Variants in NKAIN3 observed in about 807,000 individuals in gnomAD.
NKAIN3 encodes sodium/potassium transporting ATPase interacting 3.
In NKAIN3, 25 loss-of-function variants were observed where a neutral mutation model predicts 30.2. That is an observed-to-expected ratio of 0.83 (90% CI 0.60 to 1.16). NKAIN3 has a LOEUF of 1.16. Ranked by LOEUF, NKAIN3 falls within the 50% of genes most tolerant of loss-of-function variation. NKAIN3 has a pLI of 0.00. For synonymous variants in NKAIN3, 91 were observed against 89.6 expected (o/e 1.02, Z -0.09); for missense variants, 225 against 254.1 (o/e 0.89, Z 0.78).
At chr8:62,359,698 C>G (rs1275785026) in intron 1 of NKAIN3, among the ~76,000 whole-genome samples, 1 of 152,204 alleles carries the variant, frequency 6.6e-6, no homozygotes, top group African/African-American at 2.4e-5. Context: ...GTAATAGCAG[C>G]AAGCACCTTT....
At chr8:62,802,522 T>A (rs1221014699) in intron 4 of NKAIN3, among the ~76,000 whole-genome samples, 1 of 152,074 alleles carries the variant, frequency 6.6e-6, no homozygotes, top group African/African-American at 2.4e-5. Context: ...CTAAGCTTCA[T>A]AAGTGAAGGA....
intron 1 of NKAIN3, among the ~76,000 whole-genome samples, chr8:62,312,913 A>G (rs1011821715): frequency 6.6e-6 from 1 of 152,110 alleles, no homozygotes; most frequent in Non-Finnish European, 1.5e-5. Flanking sequence ...CCCTAGAAGA[A>G]AACAGAGAGC....
rs1426898165 is a variant in NKAIN3, at chr8:62,947,516, T to A, written c.533-6386T>A. On this transcript the variant is annotated intron_variant, in intron 5 of 6. Transcript: ENST00000623646. ...AGAAGAATTTAATTTCTAATAATGGTCACAACAGTATTTCCTGTCTAACTT... is the reference window on the plus strand; with the variant it reads ...AGAAGAATTTAATTTCTAATAATGGACACAACAGTATTTCCTGTCTAACTT... Among the ~76,000 whole-genome samples the A allele has an allele frequency of 2.0e-5, 3 of 152,322 alleles. No individual in the cohort carries two copies. The East Asian group carries it at 5.8e-4, about 29-fold the overall frequency.
chr8:62,698,674 T>C (rs1325526498), intron 3 of NKAIN3, among the ~76,000 whole-genome samples: 1 of 152,214 alleles, frequency 6.6e-6, no homozygotes, highest in African/African-American at 2.4e-5. Context: ...ATTTGATAGA[T>C]TTTAGCTCGT....
At chr8:62,269,475 C>T (rs1812707756) in intron 1 of NKAIN3, among the ~76,000 whole-genome samples, 1 of 152,008 alleles carries the variant, frequency 6.6e-6, no homozygotes. Flanking sequence ...TTTTTTTACT[C>T]CACTGCTGAG....
At chr8:62,420,145 A>T (rs1170702502) in intron 1 of NKAIN3, among the ~76,000 whole-genome samples, 3 of 152,132 alleles carry the variant, frequency 2.0e-5, no homozygotes, top group African/African-American at 7.2e-5. Context: ...TTTCCCTATC[A>T]TTTTGTTGTA....
intron 4 of NKAIN3, among the ~76,000 whole-genome samples, chr8:62,808,382 T>G (rs926871604): frequency 2.4e-4 from 36 of 152,340 alleles, no homozygotes; most frequent in Non-Finnish European, 5.0e-4. Flanking sequence ...AACACTATTT[T>G]CTTCAGTGCA....
chr8:62,664,275 A>C (rs1214438835), intron 3 of NKAIN3, among the ~76,000 whole-genome samples: 1 of 151,972 alleles, frequency 6.6e-6, no homozygotes, highest in African/African-American at 2.4e-5. Context: ...TTAATGAACA[A>C]ACTTCCCAAT....
chr8:62,317,547 G>T (rs574414924), intron 1 of NKAIN3, among the ~76,000 whole-genome samples: 17 of 152,108 alleles, frequency 1.1e-4, no homozygotes, highest in Admixed American at 4.6e-4. Flanking sequence ...TTTCCCCATT[G>T]CTTGTTTTTC....
chr8:62,567,304 G>A (rs1409870757), intron 1 of NKAIN3, among the ~76,000 whole-genome samples: 1 of 152,032 alleles, frequency 6.6e-6, no homozygotes, highest in Non-Finnish European at 1.5e-5. Context: ...GGTCAGGGCC[G>A]GGCTGAGATG....
At chr8:62,946,775 T>TG (rs1823136504) in intron 5 of NKAIN3, among the ~76,000 whole-genome samples, 1 of 152,190 alleles carries the variant, frequency 6.6e-6, no homozygotes, top group Non-Finnish European at 1.5e-5. Context: ...GGAACAATGA[T>TG]GGAACAGAAA....
chr8:62,921,916 G>T (rs190574520), intron 5 of NKAIN3, among the ~76,000 whole-genome samples: 78 of 152,248 alleles, frequency 5.1e-4, no homozygotes, highest in Middle Eastern at 3.4e-3. Context: ...CATTTTACTT[G>T]TATCAATACT....
chr8:62,451,589 C>A (rs541328380), intron 1 of NKAIN3, among the ~76,000 whole-genome samples: 5 of 152,174 alleles, frequency 3.3e-5, no homozygotes, highest in African/African-American at 1.2e-4. Flanking sequence ...TAAAAACTAG[C>A]ATTAAAACAT....
intron 3 of NKAIN3, among the ~76,000 whole-genome samples, chr8:62,609,782 A>G (rs1012227348): frequency 6.6e-6 from 1 of 152,126 alleles, no homozygotes; most frequent in Non-Finnish European, 1.5e-5. Flanking sequence ...CCCAGATAGG[A>G]ACATGTTTGG....
intron 1 of NKAIN3, among the ~76,000 whole-genome samples, chr8:62,528,312 TA>T (rs1188281176): frequency 1.0e-5 from 1 of 95,298 alleles, no homozygotes; most frequent in Non-Finnish European, 2.0e-5. Context: ...ATATTATATA[TA>T]TATATTATAT....
At chr8:62,346,116 C>T (rs528250655) in intron 1 of NKAIN3, among the ~76,000 whole-genome samples, 17 of 151,998 alleles carry the variant, frequency 1.1e-4, no homozygotes, top group East Asian at 9.7e-4. Flanking sequence ...ACACGTGAAA[C>T]GTTATGGTTA....
intron 4 of NKAIN3, among the ~76,000 whole-genome samples, chr8:62,834,545 G>C (rs188528424): frequency 1.2e-3 from 184 of 151,836 alleles, no homozygotes; most frequent in African/African-American, 4.3e-3. Flanking sequence ...TTCAAACTGA[G>C]AGCCAAAACA....
At chr8:62,385,379 A>C (rs1457092627) in intron 1 of NKAIN3, among the ~76,000 whole-genome samples, 1 of 152,190 alleles carries the variant, frequency 6.6e-6, no homozygotes, top group South Asian at 2.1e-4. Flanking sequence ...TTATAAACTG[A>C]AACTCGGAGA....
intron 3 of NKAIN3, among the ~76,000 whole-genome samples, chr8:62,692,259 G>A (rs751009555): frequency 2.0e-5 from 3 of 152,206 alleles, no homozygotes; most frequent in Admixed American, 1.3e-4. Context: ...AAGTTGTATT[G>A]TAAAGGGCAT....
Sources: allele counts gnomAD v4.1 joint callset (sites outside exome capture counted in the v4.1 genomes callset), GRCh38; gene constraint gnomAD v4.1.1; transcripts MANE v1.5; gene names NCBI Gene and HGNC (gene_info 2026-07-23, HGNC 2026-07-21).